The following PLEKHG1 variants were observed in gnomAD, a reference collection of about 807,000 sequenced individuals.
The protein encoded by PLEKHG1 is pleckstrin homology and RhoGEF domain containing G1.
In PLEKHG1, 44 loss-of-function variants were observed where a neutral mutation model predicts 100.8. The observed-to-expected ratio is 0.44, with a 90% CI of 0.34 to 0.56. The LOEUF (loss-of-function observed/expected upper bound fraction) is 0.56, where lower values mean the gene tolerates loss of function less well. PLEKHG1 is among the 20% of genes least tolerant of loss of function. The pLI is 0.01. For synonymous variants in PLEKHG1, 640 were observed against 662.5 expected, an observed-to-expected ratio of 0.97 and a Z score of 0.52; for missense variants, 1,545 against 1,720.9, an observed-to-expected ratio of 0.90 and a Z score of 1.81.
At chr6:150,703,667 T>G (rs1780893959) in intron 3 of PLEKHG1, among the ~76,000 whole-genome samples, 1 of 139,606 alleles carries the variant, frequency 7.2e-6, no homozygotes, top group Non-Finnish European at 1.5e-5. Context: ...TTAAAAAAAA[T>G]CAGTCTAGAA....
intron 3 of PLEKHG1, among the ~76,000 whole-genome samples, chr6:150,678,047 A>G (rs1779816902): frequency 8.1e-6 from 1 of 124,020 alleles, no homozygotes; most frequent in African/African-American, 3.0e-5. Flanking sequence ...ATGGGATACA[A>G]TGTGATGTTT....
intron 3 of PLEKHG1, among the ~76,000 whole-genome samples, chr6:150,772,716 C>T (rs1190880374): frequency 6.6e-6 from 1 of 152,194 alleles, no homozygotes; most frequent in Non-Finnish European, 1.5e-5. Flanking sequence ...GGATTTATAG[C>T]TCTAGTTCAT....
intron 14 of PLEKHG1, among the ~76,000 whole-genome samples, chr6:150,824,201 G>A (rs949752612): frequency 6.6e-6 from 1 of 152,230 alleles, no homozygotes; most frequent in African/African-American, 2.4e-5. Context: ...CCTGAGAAAA[G>A]CTTAGGAGAG....
intron 3 of PLEKHG1, among the ~76,000 whole-genome samples, chr6:150,653,092 G>A (rs945031055): frequency 6.6e-6 from 1 of 152,132 alleles, no homozygotes; most frequent in African/African-American, 2.4e-5. Context: ...CTAGAATGCT[G>A]AGTAGCTTGA....
intron 3 of PLEKHG1, among the ~76,000 whole-genome samples, chr6:150,651,503 GGATTACAGGTGAGA>G (rs1335294680): frequency 1.3e-5 from 2 of 152,036 alleles, no homozygotes; most frequent in Non-Finnish European, 2.9e-5. Context: ...TAAAGTACTG[GGATTACAGGTGAGA>G]GCCACCATGC....
chr6:150,776,203 T>C lies in PLEKHG1; in HGVS notation c.512+7465T>C, dbSNP rs549005791. On this transcript the variant is annotated intron_variant, in intron 3 of 15. Coordinates refer to ENST00000358517, the Ensembl canonical transcript of PLEKHG1. ...ACCTGAGCTCAAGTAGGAAATTTTATAATTGTTTTAACCGTCCTACTCAAA... is the reference window on the plus strand; with the variant it reads ...ACCTGAGCTCAAGTAGGAAATTTTACAATTGTTTTAACCGTCCTACTCAAA... 5.9e-5 allele frequency among the ~76,000 whole-genome samples: 9 copies of C among 152,378 alleles called. No homozygotes were observed. In the South Asian group the frequency reaches 1.7e-3, roughly 28 times the overall value.
chr6:150,717,282 C>T (rs775710608), upstream of PLEKHG1, among the ~76,000 whole-genome samples: 1 of 151,900 alleles, frequency 6.6e-6, no homozygotes, highest in South Asian at 2.1e-4. Context: ...TCAAGTAATC[C>T]GCCCACCTCA....
chr6:150,800,859 T>A, exon 6 of PLEKHG1: 1 of 1,613,900 alleles, frequency 6.2e-7, no homozygotes, highest in Non-Finnish European at 8.5e-7. Flanking sequence ...AAGTATCATC[T>A]CCTTCTGCAT....
intron 1 of PLEKHG1, among the ~76,000 whole-genome samples, chr6:150,623,660 T>C (rs1163681328): frequency 1.3e-5 from 2 of 152,210 alleles, no homozygotes; most frequent in African/African-American, 4.8e-5. Flanking sequence ...CACTGTACAA[T>C]TGTGGTGCTC....
intron 1 of PLEKHG1, among the ~76,000 whole-genome samples, chr6:150,616,122 A>G (rs1488906456): frequency 6.6e-6 from 1 of 152,188 alleles, no homozygotes; most frequent in Non-Finnish European, 1.5e-5. Flanking sequence ...GCTTGGTGTT[A>G]TGAGCTAGGA....
exon 16 of PLEKHG1, chr6:150,840,681 G>C (rs1777484088): frequency 6.2e-7 from 1 of 1,614,096 alleles, no homozygotes; most frequent in Admixed American, 1.7e-5. Flanking sequence ...TTCTGATAAT[G>C]TCTGCAGCGG....
At chr6:150,824,552 C>T (rs1041645408) in intron 14 of PLEKHG1, among the ~76,000 whole-genome samples, 2 of 150,820 alleles carry the variant, frequency 1.3e-5, no homozygotes, top group African/African-American at 2.4e-5. Flanking sequence ...GACTGGATCT[C>T]GCTCTGTTGC....
In PLEKHG1 at chr6:150,696,314, G is replaced by A. The variant is rs181735044; in HGVS notation, c.-98-37270G>A. Among the ~76,000 whole-genome samples, 382 of 152,270 alleles carry A rather than the reference G, an allele frequency of 2.5e-3. 3 individuals are homozygous for A. The highest frequency in any genetic ancestry group is 8.1e-3 in the African/African-American group (336 of 41,566). On this transcript the variant is annotated intron_variant, in intron 3 of 3. Transcript: ENST00000367326. ...AGAAGCAGAGGGCTCTTTGAGCGAC[G>A]TCTGCTTCCCCCTCTCCCTGAAGCC... is the stretch of plus-strand genomic sequence containing the variant.
intron 2 of PLEKHG1, among the ~76,000 whole-genome samples, chr6:150,737,267 G>A (rs1048686373): frequency 1.3e-5 from 2 of 150,950 alleles, no homozygotes; most frequent in Non-Finnish European, 2.9e-5. Context: ...CCAATAAAAG[G>A]CTGTCATATG....
At position 150,818,179 on chromosome 6, in the gene PLEKHG1, T is replaced by G. The variant is rs770261674; in HGVS notation, c.1279-4T>G. On this transcript the variant is annotated splice_region_variant and splice_polypyrimidine_tract_variant and intron_variant, in intron 10 of 15. Coordinates refer to ENST00000358517, the Ensembl canonical transcript of PLEKHG1. ...GAATTACAGCTCTACTTTCTCTCTT[T>G]CAGGCCAAGCAAGCAATCCTTGAAA... The G allele has an allele frequency of 6.2e-7, 1 of 1,609,704 alleles. No homozygotes were observed. The highest frequency in any genetic ancestry group is 1.3e-5 in the African/African-American group (1 of 74,860).
chr6:150,688,376 AG>A (rs1357707507), intron 3 of PLEKHG1, among the ~76,000 whole-genome samples: 1 of 151,934 alleles, frequency 6.6e-6, no homozygotes, highest in Non-Finnish European at 1.5e-5. Context: ...GCTGGAGTGT[AG>A]TGGCGTGATC....
intron 3 of PLEKHG1, among the ~76,000 whole-genome samples, chr6:150,714,232 A>G (rs1244303781): frequency 6.6e-6 from 1 of 152,258 alleles, no homozygotes; most frequent in Non-Finnish European, 1.5e-5. Context: ...CGAAAGCAAG[A>G]GGCTTTTTGC....
intron 10 of PLEKHG1, among the ~76,000 whole-genome samples, chr6:150,813,929 A>G (rs947477019): frequency 4.6e-5 from 7 of 152,152 alleles, no homozygotes; most frequent in African/African-American, 1.7e-4. Context: ...GATGATCATG[A>G]AAATTGAACT....
chr6:150,766,663 T>C (rs1245894692), intron 2 of PLEKHG1, among the ~76,000 whole-genome samples: 2 of 152,134 alleles, frequency 1.3e-5, no homozygotes, highest in Non-Finnish European at 2.9e-5. Flanking sequence ...GACTCTGAGG[T>C]TTTTGAAACT....
Sources: gnomAD v4.1 joint callset for allele counts (sites outside exome capture counted in the v4.1 genomes callset) on GRCh38, gnomAD v4.1.1 for gene constraint, MANE v1.5 for transcripts, NCBI Gene and HGNC (gene_info 2026-07-23, HGNC 2026-07-21) for gene names.